The following ARHGAP17 variants were observed in gnomAD, a reference collection of about 807,000 sequenced individuals.
The protein encoded by ARHGAP17 is rho GTPase-activating protein 17.
ARHGAP17 carries 57 observed loss-of-function variants against 99.5 expected under a neutral mutation model. That is an observed-to-expected ratio of 0.57 (90% CI 0.46 to 0.71). ARHGAP17 has a LOEUF of 0.71. Ranked by LOEUF, ARHGAP17 falls within the 30% of genes least tolerant of loss-of-function variation. The pLI, the probability that ARHGAP17 is intolerant of heterozygous loss-of-function variation, is 0.00. For missense variants in ARHGAP17, 1,000 were observed against 1,122.4 expected (o/e 0.89, Z 1.56); for synonymous variants, 417 against 429.6 (o/e 0.97, Z 0.36).
At chr16:24,998,332 GAA>G (rs1363842405) in intron 1 of ARHGAP17, among the ~76,000 whole-genome samples, 1 of 151,974 alleles carries the variant, frequency 6.6e-6, no homozygotes, top group Non-Finnish European at 1.5e-5. Context: ...GGAGGGAGGT[GAA>G]AGGTGCATGG....
chr16:24,934,629 A>AT (rs966455904), intron 18 of ARHGAP17, among the ~76,000 whole-genome samples: 1 of 151,660 alleles, frequency 6.6e-6, no homozygotes. Flanking sequence ...AATTTTTAAA[A>AT]TTTTTTTTGT....
At chr16:25,012,266 T>C (rs1033424560) in intron 1 of ARHGAP17, among the ~76,000 whole-genome samples, 1 of 152,208 alleles carries the variant, frequency 6.6e-6, no homozygotes, top group African/African-American at 2.4e-5. Flanking sequence ...TCTTCTCAAA[T>C]AGACTTACCC....
chr16:24,924,456 T>C (rs569307950), intron 19 of ARHGAP17, among the ~76,000 whole-genome samples: 1 of 150,540 alleles, frequency 6.6e-6, no homozygotes, highest in Non-Finnish European at 1.5e-5. Context: ...TTTTTTTTTT[T>C]AAATAAAATA....
At chr16:24,953,153 A>T (rs1243136452) in intron 10 of ARHGAP17, 111 bp from the exon 11 acceptor site, 1 of 962,922 alleles carries the variant, frequency 1.0e-6, no homozygotes, top group Non-Finnish European at 1.6e-6. Flanking sequence ...CTGTCTATGA[A>T]AGCAGTGTTA....
At chr16:24,950,855 A>G (rs11864494) in intron 12 of ARHGAP17, among the ~76,000 whole-genome samples, 7,540 of 149,848 alleles carry the variant, frequency 0.05, 782 homozygotes, top group African/African-American at 0.18. Flanking sequence ...AAAAAAAAAA[A>G]AAAGAAAAAA....
chr16:24,977,158 T>C lies in ARHGAP17; in HGVS notation c.198+57A>G, dbSNP rs541526147. 7 of 1,385,044 alleles carry C rather than the reference T, an allele frequency of 5.1e-6. No individual in the cohort carries two copies. The East Asian group carries it at 1.3e-4, about 26-fold the overall frequency. 85.8% of individuals were successfully genotyped at this position (1,385,044 alleles called of 1,614,324 possible). On this transcript the variant is annotated intron_variant, in intron 3 of 19. Coordinates refer to ENST00000289968, the MANE Select transcript of ARHGAP17 (RefSeq NM_001006634.3). ...TTAGGACAACCAACCAATCCAGGGG[T>C]TGAAAAGCCTCAGAGAGACGCAGGA... is the stretch of plus-strand genomic sequence containing the variant.
At chr16:24,941,498 A>C (rs563127137) in intron 16 of ARHGAP17, among the ~76,000 whole-genome samples, 28 of 152,216 alleles carry the variant, frequency 1.8e-4, no homozygotes, top group African/African-American at 6.7e-4. Flanking sequence ...GCAAATACTG[A>C]GGTTTTTCCC....
Position 24,968,444 on chromosome 16 carries a change from A to G in ARHGAP17, c.385-17T>C, listed in dbSNP as rs915577138. The G allele has an allele frequency of 4.3e-6, 7 of 1,613,736 alleles. No homozygotes were observed. The highest frequency in any genetic ancestry group is 5.1e-6 in the Non-Finnish European group (6 of 1,179,680). ...AATCTCCACCTAAAAATAAGAACAT[A>G]CCAAATGGGATGCACTTCAGGGCTT... On this transcript the variant is annotated splice_polypyrimidine_tract_variant and intron_variant, in intron 5 of 19. Transcript: ENST00000289968.
At chr16:24,961,952 T>C (rs2141278437) in intron 7 of ARHGAP17, among the ~76,000 whole-genome samples, 1 of 138,218 alleles carries the variant, frequency 7.2e-6, no homozygotes, top group Admixed American at 7.1e-5. Flanking sequence ...TGCCGGAAAA[T>C]ATATATGTAG....
intron 14 of ARHGAP17, among the ~76,000 whole-genome samples, chr16:24,944,409 C>G (rs1490106782): frequency 6.6e-6 from 1 of 152,044 alleles, no homozygotes; most frequent in Non-Finnish European, 1.5e-5. Context: ...ACACACAGAC[C>G]CTGGGGGCAG....
chr16:24,998,999 C>T lies in ARHGAP17; in HGVS notation c.53+16210G>A, dbSNP rs188586255. Among the ~76,000 whole-genome samples the T allele has an allele frequency of 9.1e-3, 1,383 of 151,944 alleles. 8 individuals carry two copies. The highest frequency in any genetic ancestry group is 0.014 in the Non-Finnish European group (977 of 68,024). ...TGAGGTGCTTCTTGAACCACAGTGGCGAATGTCTTTCTGGACAAGAGTGCC... is the reference window on the plus strand; with the variant it reads ...TGAGGTGCTTCTTGAACCACAGTGGTGAATGTCTTTCTGGACAAGAGTGCC... On this transcript the variant is annotated intron_variant, in intron 1 of 19. Coordinates refer to ENST00000289968, the MANE Select transcript of ARHGAP17 (RefSeq NM_001006634.3).
At chr16:24,934,870 A>G (rs2051092273) in intron 18 of ARHGAP17, among the ~76,000 whole-genome samples, 1 of 152,186 alleles carries the variant, frequency 6.6e-6, no homozygotes, top group South Asian at 2.1e-4. Flanking sequence ...CATTCAAGGA[A>G]CCAAGAGTGG....
chr16:24,963,778 T>C (rs1462892633), intron 7 of ARHGAP17, among the ~76,000 whole-genome samples: 1 of 152,240 alleles, frequency 6.6e-6, no homozygotes, highest in Non-Finnish European at 1.5e-5. Flanking sequence ...ATTTACTGTA[T>C]ATTAAATTTT....
chr16:24,986,816 T>C (rs2052884808), intron 1 of ARHGAP17, among the ~76,000 whole-genome samples: 1 of 152,230 alleles, frequency 6.6e-6, no homozygotes, highest in Non-Finnish European at 1.5e-5. Context: ...AGGTGTATTT[T>C]CTCTTCCTCG....
intron 12 of ARHGAP17, among the ~76,000 whole-genome samples, chr16:24,950,283 T>C (rs1455094042): frequency 1.3e-5 from 2 of 152,198 alleles, no homozygotes; most frequent in African/African-American, 4.8e-5. Flanking sequence ...CGCCTTCTTT[T>C]ACAAGTTTAT....
At chr16:24,999,521 T>C (rs2053300499) in intron 1 of ARHGAP17, among the ~76,000 whole-genome samples, 1 of 152,014 alleles carries the variant, frequency 6.6e-6, no homozygotes, top group Non-Finnish European at 1.5e-5. Flanking sequence ...GCTCTAAGGA[T>C]TCTTCTATCT....
chr16:24,970,516 G>T lies in ARHGAP17; in HGVS notation c.263C>A (p.Ser88Tyr). ...MQEASTQLED[S>Y]LLGKMLETCG... ...AGGCAGCAACTCTTACCCCAGGAGA[G>T]AGTCTTCCAGCTGAGTCGATGCTTC... The change falls in exon 4 of 20, where the codon TCT (serine) becomes TAT (tyrosine). Residue 88 changes from serine to tyrosine, a missense_variant. Ser to Tyr is a moderately radical substitution (Grantham distance 144). Transcript: ENST00000289968. The T allele has an allele frequency of 6.2e-7, 1 of 1,614,092 alleles. No homozygotes were observed. Among genetic ancestry groups the T allele is most frequent in the Non-Finnish European group, 8.5e-7 (1 of 1,179,940 alleles).
At chr16:24,993,270 G>A (rs549616617) in intron 1 of ARHGAP17, among the ~76,000 whole-genome samples, 83 of 152,280 alleles carry the variant, frequency 5.5e-4, no homozygotes, top group Middle Eastern at 3.4e-3. Flanking sequence ...TGGTGCAAAA[G>A]TAATTGTGGC....
intron 3 of ARHGAP17, among the ~76,000 whole-genome samples, chr16:24,974,694 T>G (rs2052465442): frequency 6.6e-6 from 1 of 152,088 alleles, no homozygotes; most frequent in South Asian, 2.1e-4. Flanking sequence ...AGACAGGAAA[T>G]GTAGCTCAGG....
Sources: allele counts gnomAD v4.1 joint callset (sites outside exome capture counted in the v4.1 genomes callset), GRCh38; gene constraint gnomAD v4.1.1; transcripts MANE v1.5; gene names NCBI Gene and HGNC (gene_info 2026-07-23, HGNC 2026-07-21).